The following SLC35F1 variants were observed in gnomAD, a reference collection of about 807,000 sequenced individuals.
SLC35F1 encodes the protein chromosome 6 open reading frame 169.
Under a neutral mutation model 48.7 loss-of-function variants are expected in SLC35F1, and 14 were observed. The ratio of observed to expected loss-of-function variants is 0.29; its 90% CI spans 0.19 to 0.45. The LOEUF (loss-of-function observed/expected upper bound fraction) is 0.45, where lower values mean the gene tolerates loss of function less well. SLC35F1 is among the 20% of genes least tolerant of loss of function. SLC35F1 has a pLI of 1.00. For synonymous variants in SLC35F1, 190 were observed against 202.2 expected (o/e 0.94, Z 0.51); for missense variants, 404 against 500.0 (o/e 0.81, Z 1.83).
chr6:117,943,409 C>T (rs1776256853), intron 1 of SLC35F1, among the ~76,000 whole-genome samples: 1 of 152,168 alleles, frequency 6.6e-6, no homozygotes. Flanking sequence ...GTGCTGTTAA[C>T]ATTTTCTGCT....
At chr6:117,938,295 G>A (rs1776185202) in intron 1 of SLC35F1, among the ~76,000 whole-genome samples, 1 of 152,098 alleles carries the variant, frequency 6.6e-6, no homozygotes, top group South Asian at 2.1e-4. Flanking sequence ...AACTGGATAA[G>A]TTTCATAGGA....
At chr6:117,918,271 C>A (rs1470939696) in intron 1 of SLC35F1, among the ~76,000 whole-genome samples, 1 of 151,974 alleles carries the variant, frequency 6.6e-6, no homozygotes, top group African/African-American at 2.4e-5. Flanking sequence ...GAATGCTGTA[C>A]TGAAGAGGGA....
intron 1 of SLC35F1, among the ~76,000 whole-genome samples, chr6:118,054,961 G>A (rs892434439): frequency 4.6e-5 from 7 of 152,038 alleles, no homozygotes; most frequent in Non-Finnish European, 1.5e-5. Context: ...GTTTTTAGTG[G>A]AGACGGGGTT....
At chr6:118,261,331 A>G (rs1349733411) in intron 3 of SLC35F1, among the ~76,000 whole-genome samples, 3 of 152,202 alleles carry the variant, frequency 2.0e-5, no homozygotes, top group African/African-American at 7.2e-5. Flanking sequence ...GACTTAGGCC[A>G]TAAAAATATG....
chr6:118,176,686 G>A (rs542107648), intron 2 of SLC35F1, among the ~76,000 whole-genome samples: 83 of 152,176 alleles, frequency 5.5e-4, no homozygotes, highest in African/African-American at 1.8e-3. Context: ...TTATGACAAA[G>A]CTAACGTAGC....
intron 3 of SLC35F1, among the ~76,000 whole-genome samples, chr6:118,251,112 A>C (rs1582752448): frequency 6.6e-6 from 1 of 152,016 alleles, no homozygotes. Flanking sequence ...ACATGGTGAA[A>C]TCTCATCTCT....
intron 1 of SLC35F1, among the ~76,000 whole-genome samples, chr6:118,078,212 G>A (rs1448511650): frequency 1.3e-5 from 2 of 152,010 alleles, no homozygotes; most frequent in African/African-American, 2.4e-5. Flanking sequence ...TAGAAATAAC[G>A]TAAGGCAAAA....
At chr6:118,083,888 A>G (rs554605126) in intron 1 of SLC35F1, among the ~76,000 whole-genome samples, 80 of 152,310 alleles carry the variant, frequency 5.3e-4, no homozygotes, top group African/African-American at 1.9e-3. Flanking sequence ...TTCACCATTT[A>G]TTCTGAGGTT....
intron 3 of SLC35F1, among the ~76,000 whole-genome samples, chr6:118,248,702 G>A (rs1305463087): frequency 6.6e-6 from 1 of 152,200 alleles, no homozygotes; most frequent in Non-Finnish European, 1.5e-5. Context: ...CTGACCTCCA[G>A]AACTATAAGA....
chr6:117,914,924 A>G (rs1186348240), intron 1 of SLC35F1, among the ~76,000 whole-genome samples: 1 of 152,166 alleles, frequency 6.6e-6, no homozygotes, highest in Non-Finnish European at 1.5e-5. Context: ...AAAAAGAGGA[A>G]CAGCTATTAA....
chr6:118,036,377 C>A (rs749280221), intron 1 of SLC35F1, among the ~76,000 whole-genome samples: 1 of 152,098 alleles, frequency 6.6e-6, no homozygotes, highest in Admixed American at 6.6e-5. Flanking sequence ...TGTTAGAGAA[C>A]AAATTTTGTA....
rs74601864 is a variant in SLC35F1 at position 117,979,776 on chromosome 6, T to G, written c.173+71877T>G. ...CCAGTTCTGCTTCCATAGGATGTGC[T>G]GCGCGATCATCAATGTCATTGTTCC... On this transcript the variant is annotated intron_variant, in intron 1 of 7. Coordinates refer to ENST00000360388, the MANE Select transcript of SLC35F1 (RefSeq NM_001029858.4). 6.1e-3 allele frequency among the ~76,000 whole-genome samples: 933 copies of G among 152,312 alleles called. 12 individuals carry two copies. The highest frequency in any genetic ancestry group is 0.021 in the African/African-American group (886 of 41,572).
intron 1 of SLC35F1, among the ~76,000 whole-genome samples, chr6:118,019,224 GACATCTTTATATCC>G (rs1177132883): frequency 1.3e-5 from 2 of 151,478 alleles, no homozygotes; most frequent in Non-Finnish European, 2.9e-5. Flanking sequence ...TATTTTACAA[GACATCTTTATATCC>G]ACCTATCTAT....
At chr6:117,980,652 G>A (rs1479552880) in intron 1 of SLC35F1, among the ~76,000 whole-genome samples, 2 of 152,146 alleles carry the variant, frequency 1.3e-5, no homozygotes, top group Admixed American at 1.3e-4. Flanking sequence ...ATTTTAAAGT[G>A]AATATACACA....
chr6:118,021,383 C>T (rs1777391595), intron 1 of SLC35F1, among the ~76,000 whole-genome samples: 1 of 152,156 alleles, frequency 6.6e-6, no homozygotes, highest in Non-Finnish European at 1.5e-5. Flanking sequence ...GGAATTTCTT[C>T]AGACACCAAT....
chr6:118,022,845 G>C (rs960699374), intron 1 of SLC35F1, among the ~76,000 whole-genome samples: 14 of 151,598 alleles, frequency 9.2e-5, no homozygotes, highest in African/African-American at 3.4e-4. Context: ...CCGCCTCCTG[G>C]GTTCGCGCCA....
intron 1 of SLC35F1, among the ~76,000 whole-genome samples, chr6:117,947,807 A>G (rs1031351727): frequency 6.6e-6 from 1 of 152,162 alleles, no homozygotes; most frequent in African/African-American, 2.4e-5. Context: ...AATTGAGTAT[A>G]GGAGTCTGGA....
intron 2 of SLC35F1, among the ~76,000 whole-genome samples, chr6:118,229,419 A>G (rs1443390922): frequency 1.3e-5 from 2 of 152,176 alleles, no homozygotes; most frequent in African/African-American, 4.8e-5. Flanking sequence ...CCATGCATAT[A>G]CTAGCACTCC....
At chr6:118,269,626 T>C (rs1008909731) in intron 4 of SLC35F1, among the ~76,000 whole-genome samples, 3 of 151,840 alleles carry the variant, frequency 2.0e-5, no homozygotes, top group Middle Eastern at 3.4e-3. Flanking sequence ...ATCAAAAATA[T>C]TCCTTTTTTT....
Sources: gnomAD v4.1 joint callset for allele counts (sites outside exome capture counted in the v4.1 genomes callset) on GRCh38, gnomAD v4.1.1 for gene constraint, MANE v1.5 for transcripts, NCBI Gene and HGNC (gene_info 2026-07-23, HGNC 2026-07-21) for gene names.